Variants in MYORG observed in about 807,000 individuals in gnomAD.
MYORG encodes the protein alpha-galactosidase MYORG.
In MYORG, 45 loss-of-function variants were observed where a neutral mutation model predicts 49.8. The ratio of observed to expected loss-of-function variants is 0.90; its 90% CI spans 0.71 to 1.16. The LOEUF (loss-of-function observed/expected upper bound fraction) is 1.16. Ranked by LOEUF, MYORG falls within the 50% of genes most tolerant of loss-of-function variation. MYORG has a pLI of 0.00. For synonymous variants in MYORG, 552 were observed against 462.9 expected, an observed-to-expected ratio of 1.19 and a Z score of -2.47; for missense variants, 1,110 against 1,026.5, an observed-to-expected ratio of 1.08 and a Z score of -1.11.
Position 34,372,188 on chromosome 9 carries a change from C to T in MYORG, c.756G>A (p.Thr252=), listed in dbSNP as rs552116084. The T allele has an allele frequency of 5.0e-6, 8 of 1,611,840 alleles. No homozygotes were observed. The East Asian group carries it at 1.6e-4, about 31-fold the overall frequency. The change falls in exon 2 of 2, where the codon ACG becomes ACA. Residue 252 remains threonine, a synonymous_variant. Transcript: ENST00000297625. ...SVPFHLGWNS[T]ERSLRLQARY... is the part of the protein sequence containing the mutation. Reference sequence around the variant, plus strand: ...GCGCCTGAAGCCGCAGCGAGCGCTCCGTGCTGTTCCAGCCCAGGTGGAAGG... The same window carrying T: ...GCGCCTGAAGCCGCAGCGAGCGCTCTGTGCTGTTCCAGCCCAGGTGGAAGG...
Position 34,372,773 on chromosome 9 carries a change from C to G in MYORG, c.171G>C (p.Leu57=). 1 of 1,613,980 alleles carries G rather than the reference C, an allele frequency of 6.2e-7. No homozygotes were observed. The highest frequency in any genetic ancestry group is 8.5e-7 in the Non-Finnish European group (1 of 1,179,866). ...GCAGCCCCAGAACCGCGGAGCCCAGCAGCGGCTTCAGGTCTTTGGAAGGCT... is the reference window on the plus strand; with the variant it reads ...GCAGCCCCAGAACCGCGGAGCCCAGGAGCGGCTTCAGGTCTTTGGAAGGCT... ...KPKPSKDLKP[L]LGSAVLGLLL... is the part of the protein sequence containing the mutation. Residue 57 remains leucine (L), a synonymous_variant, in exon 2 of 2, where the codon CTG becomes CTC. Coordinates refer to ENST00000297625, the MANE Select transcript of MYORG (RefSeq NM_020702.5).
rs1232086810 is a variant in MYORG at position 34,372,979 on chromosome 9, C to T, written c.-36G>A. ...CTAAGAAAGGAGCGGGCCGTGGGGC[C>T]ATCTGACTGAGTTCATCTCAACCTG... On this transcript the variant is annotated 5_prime_UTR_variant, in exon 2 of 2. The change abolishes an upstream ATG in the 5' untranslated region. Transcript: ENST00000297625. The T allele has an allele frequency of 3.8e-6, 6 of 1,597,518 alleles. No individual in the cohort carries two copies. Among genetic ancestry groups the T allele is most frequent in the African/African-American group, 1.3e-5 (1 of 74,654 alleles).
At position 34,370,522 on chromosome 9, in the gene MYORG, C is replaced by CT. The variant is rs1382658229; in HGVS notation, c.*276dup. 9.6e-6 allele frequency: 4 copies of CT among 415,180 alleles called. No individual in the cohort carries two copies. The highest frequency in any genetic ancestry group is 8.0e-5 in the Admixed American group (2 of 25,034). 25.7% of individuals were successfully genotyped at this position (415,180 alleles called of 1,614,324 possible). A position where few individuals can be genotyped will look rare whatever the true frequency, so the allele number is the denominator to read the frequency against. On this transcript the variant is annotated 3_prime_UTR_variant, in exon 2 of 2. Coordinates refer to ENST00000297625, the MANE Select transcript of MYORG (RefSeq NM_020702.5). ...AGCTGACCTTTTTCCTCTAAGCTCTCTGGCTTCCACCCCAGGGAAGAGGTT... is the reference window on the plus strand; with the variant it reads ...AGCTGACCTTTTTCCTCTAAGCTCTCTTGGCTTCCACCCCAGGGAAGAGGTT...
rs1820648380 is a variant in MYORG, at chr9:34,372,715, A to G, written c.229T>C (p.Tyr77His). 1 of 1,613,070 alleles carries G rather than the reference A, an allele frequency of 6.2e-7. No homozygotes were observed. Among genetic ancestry groups the G allele is most frequent in the Non-Finnish European group, 8.5e-7 (1 of 1,179,540 alleles). ...LVLAAVVAWC[Y>H]YSVSLRKAER... is the part of the protein sequence containing the mutation. ...GCCTTGCGTAGGGAGACGCTGTAGT[A>G]GCACCAGGCCACCACCGCGGCCAGC... Residue 77 changes from tyrosine to histidine, a missense_variant, in exon 2 of 2, where the codon TAC becomes CAC. By Grantham distance (83) the Tyr-to-His change is moderately conservative. Coordinates refer to ENST00000297625, the MANE Select transcript of MYORG (RefSeq NM_020702.5).
Position 34,371,358 on chromosome 9 carries a change from A to G in MYORG, c.1586T>C (p.Leu529Pro). ...VDRDSVWGYD[L>P]GLRSLIPAVL... The stretch of plus-strand genomic sequence containing the variant: ...CGCGGGGATGAGTGAGCGCAACCCC[A>G]GGTCGTAGCCCCACACAGAGTCGCG... Residue 529 changes from leucine to proline, a missense_variant, in exon 2 of 2, where the codon CTG becomes CCG. Coordinates refer to ENST00000297625, the MANE Select transcript of MYORG (RefSeq NM_020702.5). 3 of 1,613,118 alleles carry G rather than the reference A, an allele frequency of 1.9e-6. No homozygotes were observed. Among genetic ancestry groups the G allele is most frequent in the South Asian group, 1.1e-5 (1 of 90,978 alleles).
Position 34,370,935 on chromosome 9 carries a change from T to C in MYORG, c.2009A>G (p.Lys670Arg), listed in dbSNP as rs753495485. The change falls in exon 2 of 2, where the codon AAG becomes AGG. Residue 670 changes from lysine (K) to arginine (R), a missense_variant. Coordinates refer to ENST00000297625, the MANE Select transcript of MYORG (RefSeq NM_020702.5). ...LLVAPVLEPG[K>R]QERDVYLPAG... ...GGGCAAATAGACGTCGCGCTCCTGC[T>C]TGCCTGGCTCCAGCACCGGGGCCAC... is the stretch of plus-strand genomic sequence containing the variant. The C allele has an allele frequency of 3.1e-6, 5 of 1,613,338 alleles. No individual in the cohort carries two copies. The highest frequency in any genetic ancestry group is 2.7e-5 in the African/African-American group (2 of 74,944).
In MYORG at chr9:34,370,943, C is replaced by T. The variant is rs778512457; in HGVS notation, c.2001G>A (p.Glu667=). Residue 667 remains glutamate (E), a synonymous_variant, in exon 2 of 2, where the codon GAG becomes GAA. Transcript: ENST00000297625. ...GDTLLVAPVL[E]PGKQERDVYL... is the part of the protein sequence containing the mutation. ...AGACGTCGCGCTCCTGCTTGCCTGG[C>T]TCCAGCACCGGGGCCACAAGCAGCG... 5 of 1,613,534 alleles carry T rather than the reference C, an allele frequency of 3.1e-6. No homozygotes were observed. The South Asian group carries it at 5.5e-5, about 18-fold the overall frequency.
chr9:34,372,671 C>T lies in MYORG; in HGVS notation c.273G>A (p.Glu91=), dbSNP rs764625887. ...SLRKAERLRA[E]LLDLKAGGFS... Reference sequence around the variant, plus strand: ...AGCCGCCAGCTTTCAGGTCCAGCAGCTCCGCGCGAAGTCGCTCCGCCTTGC... The same window carrying T: ...AGCCGCCAGCTTTCAGGTCCAGCAGTTCCGCGCGAAGTCGCTCCGCCTTGC... Residue 91 remains glutamate, a synonymous_variant, in exon 2 of 2, where the codon GAG becomes GAA. Transcript: ENST00000297625. 1 of 1,608,264 alleles carries T rather than the reference C, an allele frequency of 6.2e-7. No individual in the cohort carries two copies. Among genetic ancestry groups the T allele is most frequent in the Admixed American group, 1.7e-5 (1 of 58,992 alleles).
chr9:34,374,541 A>G (rs928556130), intron 1 of MYORG, among the ~76,000 whole-genome samples: 1 of 151,988 alleles, frequency 6.6e-6, no homozygotes, highest in African/African-American at 2.4e-5. Flanking sequence ...CTCTCCAGGG[A>G]TCAGACACCC....
rs371059520 is a variant in MYORG, at chr9:34,371,435, C to T, written c.1509G>A (p.Val503=). Residue 503 remains valine, a synonymous_variant, in exon 2 of 2, where the codon GTG becomes GTA. Coordinates refer to ENST00000297625, the MANE Select transcript of MYORG (RefSeq NM_020702.5). ...TGTTCTGTGACTGGTAGCCTACGCG[C>T]ACCTCCGCCAGCGAGAAGAAGGGCA... is the stretch of plus-strand genomic sequence containing the variant. ...MALPFFSLAE[V]RVGYQSQNIS... 6.2e-7 allele frequency: 1 copy of T among 1,613,096 alleles called. No homozygotes were observed. Among genetic ancestry groups the T allele is most frequent in the Non-Finnish European group, 8.5e-7 (1 of 1,179,806 alleles).
rs1173689635 is a variant in MYORG at position 34,372,308 on chromosome 9, G to A, written c.636C>T (p.Ser212=). ...ACGCGGCGTCGGAGGAGTAGACATC[G>A]CTGGTGACGAACGGCTGGGGCTCCT... ...GQQEPQPFVT[S]DVYSSDAAFG... is the part of the protein sequence containing the mutation. Residue 212 remains serine (S), a synonymous_variant, in exon 2 of 2, where the codon AGC becomes AGT. Transcript: ENST00000297625. The A allele has an allele frequency of 5.0e-6, 8 of 1,609,858 alleles. No homozygotes were observed. The highest frequency in any genetic ancestry group is 5.9e-6 in the Non-Finnish European group (7 of 1,178,516).
In MYORG at chr9:34,372,162, C is replaced by T; in HGVS notation, c.782G>A (p.Arg261His). Residue 261 changes from arginine (R) to histidine (H), a missense_variant, in exon 2 of 2, where the codon CGC (arginine) becomes CAC (histidine). Physicochemically the swap from Arg to His is conservative, Grantham distance 29. Transcript: ENST00000297625. Reference protein sequence around the residue: ...STERSLRLQARYHDTPYKPPA... With the variant: ...STERSLRLQAHYHDTPYKPPA... ...TGGCTTGTAGGGCGTGTCGTGGTAG[C>T]GCGCCTGAAGCCGCAGCGAGCGCTC... 1.2e-6 allele frequency: 2 copies of T among 1,610,938 alleles called. No individual in the cohort carries two copies. The highest frequency in any genetic ancestry group is 1.7e-6 in the Non-Finnish European group (2 of 1,179,328).
chr9:34,372,463 C>A lies in MYORG; in HGVS notation c.481G>T (p.Val161Leu). The A allele has an allele frequency of 1.3e-6, 2 of 1,590,716 alleles. No homozygotes were observed. Among genetic ancestry groups the A allele is most frequent in the South Asian group, 1.1e-5 (1 of 88,030 alleles). ...CCCGGCGCTGCCTCCTCCCAGCGCA[C>A]GCGGTAGCACATGACCGTGTCCTTG... is the stretch of plus-strand genomic sequence containing the variant. ...RPKDTVMCYR[V>L]RWEEAAPGRA... Residue 161 changes from valine to leucine, a missense_variant, in exon 2 of 2, where the codon GTG becomes TTG. Physicochemically the swap from Val to Leu is conservative, Grantham distance 32. Coordinates refer to ENST00000297625, the MANE Select transcript of MYORG (RefSeq NM_020702.5).
At chr9:34,374,443 T>C (rs1397168099) in intron 1 of MYORG, among the ~76,000 whole-genome samples, 1 of 152,148 alleles carries the variant, frequency 6.6e-6, no homozygotes, top group African/African-American at 2.4e-5. Context: ...CCAAGCTCGT[T>C]CCTTCCCCAA....
In MYORG at chr9:34,374,308, C is replaced by G. The variant is rs569550209; in HGVS notation, c.-63-1302G>C. The stretch of plus-strand genomic sequence containing the variant: ...ATCAAACCATATCTATCCCTAGCTT[C>G]GAGAGCTGCTCATTGCTTCCATGAT... On this transcript the variant is annotated intron_variant, in intron 1 of 1. Transcript: ENST00000297625. 2.0e-5 allele frequency among the ~76,000 whole-genome samples: 3 copies of G among 152,286 alleles called. No homozygotes were observed. The East Asian group carries it at 5.8e-4, about 29-fold the overall frequency.
chr9:34,372,653 A>C lies in MYORG; in HGVS notation c.291T>G (p.Ala97=), dbSNP rs771784841. 1.9e-6 allele frequency: 3 copies of C among 1,608,126 alleles called. No homozygotes were observed. In the South Asian group the frequency reaches 3.3e-5, roughly 18 times the overall value. The change falls in exon 2 of 2, where the codon GCT becomes GCG. Residue 97 remains alanine, a synonymous_variant. Coordinates refer to ENST00000297625, the MANE Select transcript of MYORG (RefSeq NM_020702.5). ...RLRAELLDLK[A]GGFSIRNQKG... is the part of the protein sequence containing the mutation. ...TCTGATTGCGGATGGAGAAGCCGCC[A>C]GCTTTCAGGTCCAGCAGCTCCGCGC... is the stretch of plus-strand genomic sequence containing the variant.
chr9:34,371,668 A>T lies in MYORG; in HGVS notation c.1276T>A (p.Trp426Arg), dbSNP rs1042036202. 12 of 1,607,310 alleles carry T rather than the reference A, an allele frequency of 7.5e-6. No homozygotes were observed. The African/African-American group carries it at 1.5e-4, about 20-fold the overall frequency. Residue 426 changes from tryptophan (W) to arginine (R), a missense_variant, in exon 2 of 2, where the codon TGG becomes AGG. Coordinates refer to ENST00000297625, the MANE Select transcript of MYORG (RefSeq NM_020702.5). ...TGRLPALVRW[W>R]NGIGAVLDFT... is the part of the protein sequence containing the mutation. ...TCTAGCACCGCGCCGATGCCGTTCC[A>T]CCAGCGCACCAGCGCAGGTAACCGG...
rs781031323 is a variant in MYORG, at chr9:34,371,686, G to A, written c.1258C>T (p.Pro420Ser). The change falls in exon 2 of 2, where the codon CCT becomes TCT. Residue 420 changes from proline (P) to serine (S), a missense_variant. By Grantham distance (74) the Pro-to-Ser change is moderately conservative. Transcript: ENST00000297625. ...LFVREPTGRL[P>S]ALVRWWNGIG... ...CCGTTCCACCAGCGCACCAGCGCAG[G>A]TAACCGGCCCGTGGGTTCGCGCACG... The A allele has an allele frequency of 5.0e-6, 8 of 1,609,882 alleles. No homozygotes were observed. The highest frequency in any genetic ancestry group is 1.7e-4 in the Middle Eastern group (1 of 6,052).
Position 34,371,262 on chromosome 9 carries a change from T to C in MYORG, c.1682A>G (p.Gln561Arg). 1 of 1,608,858 alleles carries C rather than the reference T, an allele frequency of 6.2e-7. No homozygotes were observed. Residue 561 changes from glutamine (Q) to arginine (R), a missense_variant, in exon 2 of 2, where the codon CAG becomes CGG. Transcript: ENST00000297625. ...PDMVGGNAVP[Q>R]RTAGGDVPER... ...GGGCACATCGCCGCCGGCTGTCCGC[T>C]GGGGCACGGCGTTGCCGCCCACCAT...
Sources: gnomAD v4.1 joint callset for allele counts (sites outside exome capture counted in the v4.1 genomes callset) on GRCh38, gnomAD v4.1.1 for gene constraint, MANE v1.5 for transcripts, NCBI Gene and HGNC (gene_info 2026-07-23, HGNC 2026-07-21) for gene names.